Variants in NCOR1 observed in about 807,000 individuals in gnomAD.
NCOR1 encodes protein phosphatase 1, regulatory subunit 109.
A neutral mutation model predicts 288.1 loss-of-function variants in NCOR1; 63 were observed. The observed-to-expected ratio is 0.22, with a 90% CI of 0.18 to 0.27. NCOR1 has a LOEUF of 0.27. Ranked by LOEUF, NCOR1 falls within the 10% of genes least tolerant of loss-of-function variation. The pLI is 1.00. For missense variants in NCOR1, 2,397 were observed against 3,019.2 expected, an observed-to-expected ratio of 0.79 and a Z score of 4.83; for synonymous variants, 1,007 against 1,065.9, an observed-to-expected ratio of 0.94 and a Z score of 1.08.
chr17:16,118,274 T>C (rs2072149287), intron 17 of NCOR1, among the ~76,000 whole-genome samples: 1 of 152,216 alleles, frequency 6.6e-6, no homozygotes, highest in Non-Finnish European at 1.5e-5. Context: ...ACCTTGTCCT[T>C]CCTATGTATC....
chr17:16,092,086 G>T, intron 21 of NCOR1, 28 bp from the exon 22 acceptor site: 1 of 1,606,484 alleles, frequency 6.2e-7, no homozygotes, highest in Non-Finnish European at 8.5e-7. Flanking sequence ...ATCGAAATAT[G>T]CAAACAACCA....
chr17:16,212,398 CTGGT>C (rs1319570949), intron 1 of NCOR1, among the ~76,000 whole-genome samples: 1 of 152,174 alleles, frequency 6.6e-6, no homozygotes, highest in Non-Finnish European at 1.5e-5. Flanking sequence ...GCACCTCATA[CTGGT>C]TGAATATAAG....
In NCOR1 at chr17:16,215,270, C is replaced by A. The variant is rs2092456454; in HGVS notation, c.-71+92G>T. The A allele has an allele frequency of 7.7e-6, 3 of 388,324 alleles. No individual in the cohort carries two copies. In the Admixed American group the frequency reaches 1.3e-4, roughly 17 times the overall value. The allele number at this position is 388,324 out of a possible 1,614,324, so 24.1% of individuals were successfully genotyped here. ...GACACCCCCCGCCCGGCGGAGAAAC[C>A]GTCCCAGCGGCTGCTGCCCCGGGAG... On this transcript the variant is annotated intron_variant, in intron 1 of 45. Transcript: ENST00000268712.
chr17:16,089,971 T>C (rs2064916323), intron 22 of NCOR1, among the ~76,000 whole-genome samples: 1 of 152,128 alleles, frequency 6.6e-6, no homozygotes, highest in African/African-American at 2.4e-5. Context: ...CTTAATGTCA[T>C]ACTAATCAAA....
intron 4 of NCOR1, among the ~76,000 whole-genome samples, chr17:16,165,576 C>G (rs2081872585): frequency 6.6e-6 from 1 of 152,162 alleles, no homozygotes; most frequent in African/African-American, 2.4e-5. Context: ...GTGTGTCCAC[C>G]CAACTTAACA....
intron 3 of NCOR1, among the ~76,000 whole-genome samples, chr17:16,181,231 G>A (rs568415428): frequency 0.028 from 4,187 of 150,176 alleles, 90 homozygotes; most frequent in South Asian, 0.056. Context: ...GTGTGTGTGT[G>A]TGTGTGTGTG....
chr17:16,171,915 C>T lies in NCOR1; in HGVS notation c.323G>A (p.Arg108Gln), dbSNP rs753080572. Reference sequence around the variant, plus strand: ...ATCAGAAACCTGTTCCAGACGTGGTCGCTTCGATTCCAGTGAATCATGATC... The same window carrying T: ...ATCAGAAACCTGTTCCAGACGTGGTTGCTTCGATTCCAGTGAATCATGATC... ...PVDHDSLESK[R>Q]PRLEQVSDSH... The change falls in exon 4 of 46, where the codon CGA becomes CAA. Residue 108 changes from arginine (R) to glutamine (Q), a missense_variant. Around this residue, in one of 11 missense-constraint regions of NCOR1, gnomAD observed 110 missense variants for 123.2 expected, o/e 0.89. Coordinates refer to ENST00000268712, the MANE Select transcript of NCOR1 (RefSeq NM_006311.4). 10 of 1,612,940 alleles carry T rather than the reference C, an allele frequency of 6.2e-6. No homozygotes were observed. The highest frequency in any genetic ancestry group is 8.5e-6 in the Non-Finnish European group (10 of 1,179,478).
chr17:16,064,337 C>T, intron 34 of NCOR1, 150 bp from the exon 35 acceptor site: 1 of 1,019,352 alleles, frequency 9.8e-7, no homozygotes, highest in South Asian at 1.6e-5. Context: ...CAGTGGCTGA[C>T]ACCTGTAATC....
chr17:16,117,784 T>C, intron 18 of NCOR1, 104 bp downstream of exon 18: 1 of 1,248,844 alleles, frequency 8.0e-7, no homozygotes, highest in Non-Finnish European at 1.1e-6. Context: ...ATTGCACTGC[T>C]GCACTCTAGC....
rs57292975 is a variant in NCOR1 at position 16,163,570 on chromosome 17, T to C, written c.618+1409A>G. Reference sequence around the variant, plus strand: ...AACCTCCATATACTGCTGGTAAGAATATAAAATGGTACAGAGACTTTGGAA... The same window carrying C: ...AACCTCCATATACTGCTGGTAAGAACATAAAATGGTACAGAGACTTTGGAA... On this transcript the variant is annotated intron_variant, in intron 5 of 45. Transcript: ENST00000268712. Among the ~76,000 whole-genome samples, 1,141 of 152,282 alleles carry C rather than the reference T, an allele frequency of 7.5e-3. 12 individuals are homozygous for C. The highest frequency in any genetic ancestry group is 0.025 in the African/African-American group (1,057 of 41,550).
intron 15 of NCOR1, among the ~76,000 whole-genome samples, chr17:16,125,534 C>T (rs1204760602): frequency 2.0e-5 from 3 of 151,720 alleles, no homozygotes; most frequent in African/African-American, 7.3e-5. Flanking sequence ...AACCCCATCT[C>T]TACTAAAAAT....
intron 37 of NCOR1, among the ~76,000 whole-genome samples, chr17:16,059,727 G>A (rs1015308184): frequency 3.9e-5 from 6 of 152,152 alleles, no homozygotes; most frequent in Non-Finnish European, 8.8e-5. Flanking sequence ...GCTCCAAAGG[G>A]TGCATGGCCC....
intron 4 of NCOR1, 26 bp downstream of exon 4, chr17:16,171,777 T>C (rs2083184485): frequency 6.6e-7 from 1 of 1,514,780 alleles, no homozygotes; most frequent in Non-Finnish European, 8.8e-7. Context: ...CCTACAACTC[T>C]ACAGGGTAAG....
chr17:16,152,201 AC>A (rs1473227882), intron 7 of NCOR1, among the ~76,000 whole-genome samples: 1 of 152,216 alleles, frequency 6.6e-6, no homozygotes, highest in African/African-American at 2.4e-5. Context: ...CACGTGCACA[AC>A]GTGCAGGTTT....
At chr17:16,207,779 T>C (rs1367256573) in intron 1 of NCOR1, among the ~76,000 whole-genome samples, 3 of 150,668 alleles carry the variant, frequency 2.0e-5, no homozygotes, top group Non-Finnish European at 3.0e-5. Context: ...AAGAAAAATG[T>C]AACCTCAATA....
intron 12 of NCOR1, 51 bp from the exon 13 acceptor site, chr17:16,138,263 C>CAA: frequency 7.1e-7 from 1 of 1,406,650 alleles, no homozygotes; most frequent in Admixed American, 2.1e-5. Flanking sequence ...ATTTCAACAA[C>CAA]TAAAAAAAAA....
intron 4 of NCOR1, among the ~76,000 whole-genome samples, chr17:16,168,958 C>T (rs1044620734): frequency 4.8e-5 from 7 of 145,346 alleles, no homozygotes; most frequent in Non-Finnish European, 9.0e-5. Flanking sequence ...AGTGAGACTC[C>T]GTCTCAAAAA....
intron 2 of NCOR1, among the ~76,000 whole-genome samples, chr17:16,189,015 ACT>A (rs977442430): frequency 6.6e-6 from 1 of 151,918 alleles, no homozygotes; most frequent in Non-Finnish European, 1.5e-5. Flanking sequence ...ACAGAGCAAG[ACT>A]CTGTCTCAAA....
chr17:16,056,600 G>A (rs557091012), intron 40 of NCOR1, among the ~76,000 whole-genome samples: 2 of 152,166 alleles, frequency 1.3e-5, no homozygotes, highest in Admixed American at 1.3e-4. Context: ...ACAGGCGTGA[G>A]CCACCACGCC....
Sources: allele counts gnomAD v4.1 joint callset (sites outside exome capture counted in the v4.1 genomes callset), GRCh38; gene constraint gnomAD v4.1.1; regional missense constraint gnomAD v4.1.1; transcripts MANE v1.5; gene names NCBI Gene and HGNC (gene_info 2026-07-23, HGNC 2026-07-21).